Variants in TYR observed in about 807,000 individuals in gnomAD.
TYR encodes the protein tyrosinase.
In TYR, 58 loss-of-function variants were observed where a neutral mutation model predicts 51.5. The observed-to-expected ratio is 1.13, with a 90% confidence interval of 0.91 to 1.40. The LOEUF (loss-of-function observed/expected upper bound fraction) is 1.40. Among genes scored for constraint, TYR ranks in the 40% most tolerant of loss-of-function variants. The probability of loss-of-function intolerance (pLI) is 0.00; values close to 1 mark genes in which losing one functional copy is unlikely to be tolerated. For synonymous variants in TYR, 263 were observed against 235.2 expected, an observed-to-expected ratio of 1.12 and a Z score of -1.08; for missense variants, 732 against 647.4, an observed-to-expected ratio of 1.13 and a Z score of -1.42.
At chr11:89,292,393 A>G (rs1243644741) in intron 4 of TYR, among the ~76,000 whole-genome samples, 1 of 152,122 alleles carries the variant, frequency 6.6e-6, no homozygotes, top group African/African-American at 2.4e-5. Flanking sequence ...TAACTGGAAT[A>G]TAATGTGACG....
rs572243033 is a variant in TYR, at chr11:89,290,820, T to C, written c.1367-4323T>C. ...GATGCACTCTCTTCTTTCTGCTATG[T>C]CAAAAAGTAAATTTATAGTATCTTC... On this transcript the variant is annotated intron_variant, in intron 4 of 4. Coordinates refer to ENST00000263321, the MANE Select transcript of TYR (RefSeq NM_000372.5). Among the ~76,000 whole-genome samples the C allele has an allele frequency of 4.4e-3, 673 of 152,106 alleles. 5 individuals carry two copies. Among genetic ancestry groups the C allele is most frequent in the Middle Eastern group, 0.01 (3 of 294 alleles).
intron 3 of TYR, among the ~76,000 whole-genome samples, chr11:89,246,860 T>C (rs1944273758): frequency 6.6e-6 from 1 of 152,096 alleles, no homozygotes; most frequent in Admixed American, 6.6e-5. Context: ...TCCCTGCTGG[T>C]GACTGCAAGG....
chr11:89,184,813 T>A (rs1565389290), intron 1 of TYR, among the ~76,000 whole-genome samples: 1 of 152,128 alleles, frequency 6.6e-6, no homozygotes. Flanking sequence ...GGAGCCCAAT[T>A]TTTTCTCTAC....
intron 1 of TYR, among the ~76,000 whole-genome samples, chr11:89,183,854 T>G (rs1379644619): frequency 6.6e-6 from 1 of 152,160 alleles, no homozygotes; most frequent in Non-Finnish European, 1.5e-5. Flanking sequence ...TCAAAAATAA[T>G]TATGATAGTT....
intron 1 of TYR, among the ~76,000 whole-genome samples, chr11:89,190,915 G>T (rs1020387707): frequency 1.1e-4 from 17 of 152,078 alleles, no homozygotes; most frequent in African/African-American, 3.4e-4. Context: ...TAATGTGCTG[G>T]ACAGATTTGT....
chr11:89,257,986 T>A (rs192664806), intron 3 of TYR, among the ~76,000 whole-genome samples: 1,896 of 152,092 alleles, frequency 0.012, 34 homozygotes, highest in African/African-American at 0.042. Context: ...TGGATTTTTT[T>A]AAAAAAATCA....
At chr11:89,234,821 A>G (rs181083251) in intron 3 of TYR, among the ~76,000 whole-genome samples, 2 of 152,236 alleles carry the variant, frequency 1.3e-5, no homozygotes, top group African/African-American at 4.8e-5. Context: ...TCAGCATAAC[A>G]TATACAATAA....
At chr11:89,277,031 T>C (rs1394155179) in intron 3 of TYR, among the ~76,000 whole-genome samples, 1 of 151,816 alleles carries the variant, frequency 6.6e-6, no homozygotes, top group African/African-American at 2.4e-5. Flanking sequence ...CCTTAACTAT[T>C]GTTACTTGAC....
chr11:89,235,698 A>C (rs1160186333), intron 3 of TYR, among the ~76,000 whole-genome samples: 1 of 151,908 alleles, frequency 6.6e-6, no homozygotes, highest in African/African-American at 2.4e-5. Flanking sequence ...AATAGGGTCA[A>C]TGAAAATGTT....
chr11:89,178,199 C>T lies in TYR; in HGVS notation c.246C>T (p.Ser82=), dbSNP rs139926589. 1.8e-5 allele frequency: 29 copies of T among 1,614,112 alleles called. No individual in the cohort carries two copies. The highest frequency in any genetic ancestry group is 3.3e-5 in the Admixed American group (2 of 60,006). Reference sequence around the variant, plus strand: ...TGGATGACCGGGAGTCGTGGCCTTCCGTCTTTTATAATAGGACCTGCCAGT... The same window carrying T: ...TGGATGACCGGGAGTCGTGGCCTTCTGTCTTTTATAATAGGACCTGCCAGT... ...TGVDDRESWP[S]VFYNRTCQCS... Residue 82 remains serine, a synonymous_variant, in exon 1 of 5, where the codon TCC becomes TCT. Coordinates refer to ENST00000263321, the MANE Select transcript of TYR (RefSeq NM_000372.5).
intron 2 of TYR, among the ~76,000 whole-genome samples, chr11:89,202,962 C>T (rs1943619560): frequency 1.3e-5 from 2 of 152,118 alleles, no homozygotes; most frequent in South Asian, 2.1e-4. Context: ...AAAGGAGTGG[C>T]CTGTTTTCAA....
intron 1 of TYR, 70 bp downstream of exon 1, chr11:89,178,842 T>C: frequency 6.6e-7 from 1 of 1,518,896 alleles, no homozygotes. Flanking sequence ...AGGCAGGGTA[T>C]AAACTTCTCA....
intron 3 of TYR, among the ~76,000 whole-genome samples, chr11:89,281,765 C>T (rs1944724553): frequency 2.0e-5 from 3 of 151,726 alleles, no homozygotes; most frequent in Non-Finnish European, 2.9e-5. Context: ...GACCTGAAAT[C>T]AGAGGTCCCA....
chr11:89,266,414 C>T (rs1944526393), intron 3 of TYR, among the ~76,000 whole-genome samples: 1 of 151,816 alleles, frequency 6.6e-6, no homozygotes, highest in South Asian at 2.1e-4. Context: ...ACTTTCTTTG[C>T]TTTCTTGTCT....
intron 3 of TYR, among the ~76,000 whole-genome samples, chr11:89,242,461 C>A (rs1944210735): frequency 6.6e-6 from 1 of 152,028 alleles, no homozygotes; most frequent in Admixed American, 6.6e-5. Context: ...TCACCCATCT[C>A]GGCCTTCCAA....
intron 3 of TYR, among the ~76,000 whole-genome samples, chr11:89,229,018 A>T (rs753741805): frequency 1.2e-4 from 19 of 152,144 alleles, no homozygotes; most frequent in Non-Finnish European, 2.5e-4. Flanking sequence ...TAATACTATC[A>T]TCCTCTTGGG....
intron 3 of TYR, among the ~76,000 whole-genome samples, chr11:89,246,334 A>G (rs1252387520): frequency 6.6e-6 from 1 of 152,184 alleles, no homozygotes; most frequent in Non-Finnish European, 1.5e-5. Flanking sequence ...CCTCACTTAC[A>G]AAAAGGCAGT....
intron 2 of TYR, among the ~76,000 whole-genome samples, chr11:89,214,340 T>A (rs1376525134): frequency 6.6e-6 from 1 of 152,184 alleles, no homozygotes; most frequent in African/African-American, 2.4e-5. Flanking sequence ...CCATACCATC[T>A]CATGCCTGTT....
At chr11:89,251,633 T>C (rs552257738) in intron 3 of TYR, among the ~76,000 whole-genome samples, 1 of 152,000 alleles carries the variant, frequency 6.6e-6, no homozygotes, top group East Asian at 1.9e-4. Context: ...AAAAAAGTTT[T>C]GTTTCTGTTT....
Sources: gnomAD v4.1 joint callset for allele counts (sites outside exome capture counted in the v4.1 genomes callset) on GRCh38, gnomAD v4.1.1 for gene constraint, MANE v1.5 for transcripts, NCBI Gene and HGNC (gene_info 2026-07-23, HGNC 2026-07-21) for gene names.